The following TRAF2 variants were observed in gnomAD, a reference collection of about 807,000 sequenced individuals.
TRAF2 encodes TNF receptor-associated factor 2.
Under a neutral mutation model 55.6 loss-of-function variants are expected in TRAF2, and 6 were observed. The ratio of observed to expected loss-of-function variants is 0.11; its 90% CI spans 0.06 to 0.21. The LOEUF (loss-of-function observed/expected upper bound fraction) is 0.21. Among genes scored for constraint, TRAF2 ranks in the 10% least tolerant of loss-of-function variants. The pLI is 1.00. For synonymous variants in TRAF2, 329 were observed against 276.3 expected, an observed-to-expected ratio of 1.19 and a Z score of -1.89; for missense variants, 561 against 684.5, an observed-to-expected ratio of 0.82 and a Z score of 2.01.
chr9:136,908,603 A>G (rs1417670924), intron 5 of TRAF2, among the ~76,000 whole-genome samples: 1 of 152,148 alleles, frequency 6.6e-6, no homozygotes, highest in Non-Finnish European at 1.5e-5. Flanking sequence ...GCGGCGGTTC[A>G]TGCCTGTAAT....
Position 136,920,496 on chromosome 9 carries a change from T to C in TRAF2, c.941T>C (p.Ile314Thr), listed in dbSNP as rs1420358621. ...SRQHRLDQDK[I>T]EALSSKVQQL... The stretch of plus-strand genomic sequence containing the variant: ...CAGCACCGGCTGGACCAAGACAAGA[T>C]TGAAGCCCTGAGTAGCAAGGTTTGT... Residue 314 changes from isoleucine (I) to threonine (T), a missense_variant, in exon 8 of 11, where the codon ATT becomes ACT. Around this residue, in one of 2 missense-constraint regions of TRAF2, gnomAD observed 426 missense variants for 476.8 expected, o/e 0.89. Transcript: ENST00000247668. The C allele has an allele frequency of 1.2e-6, 2 of 1,612,094 alleles. No homozygotes were observed. The highest frequency in any genetic ancestry group is 1.7e-5 in the Admixed American group (1 of 59,902).
At chr9:136,882,823 T>C (rs2131263269), upstream of TRAF2, 1 of 826,770 alleles carries the variant, frequency 1.2e-6, no homozygotes, top group Non-Finnish European at 1.5e-6. Flanking sequence ...TGTGTGCCTC[T>C]GCCTCTCAGT....
chr9:136,916,080 C>T (rs953847886), intron 6 of TRAF2, among the ~76,000 whole-genome samples: 5 of 152,134 alleles, frequency 3.3e-5, no homozygotes, highest in Non-Finnish European at 7.3e-5. Context: ...TTCGATGTTC[C>T]TGTTGTATGT....
At chr9:136,921,931 T>A (rs986163311) in intron 9 of TRAF2, among the ~76,000 whole-genome samples, 1 of 152,208 alleles carries the variant, frequency 6.6e-6, no homozygotes, top group Non-Finnish European at 1.5e-5. Context: ...GTCACTCCCT[T>A]CTTGGGCTTT....
chr9:136,884,636 A>C (rs1005397093), upstream of TRAF2, among the ~76,000 whole-genome samples: 1 of 152,162 alleles, frequency 6.6e-6, no homozygotes, highest in East Asian at 1.9e-4. Context: ...AGCTCACTGC[A>C]ACCTCCACCT....
At chr9:136,898,055 A>G (rs1849726579) in intron 1 of TRAF2, among the ~76,000 whole-genome samples, 2 of 146,502 alleles carry the variant, frequency 1.4e-5, no homozygotes, top group South Asian at 2.2e-4. Context: ...AACCCGTGGT[A>G]GCTAAAGGGA....
At chr9:136,924,686 G>C (rs542076931) in intron 10 of TRAF2, among the ~76,000 whole-genome samples, 1 of 152,298 alleles carries the variant, frequency 6.6e-6, no homozygotes, top group East Asian at 1.9e-4. Context: ...CCTGGAGAGA[G>C]AGTGCAGAGG....
Position 136,921,025 on chromosome 9 carries a change from TG to T in TRAF2, c.961-11del, listed in dbSNP as rs1850372096. 5.6e-6 allele frequency: 9 copies of T among 1,613,208 alleles called. No individual in the cohort carries two copies. The highest frequency in any genetic ancestry group is 7.6e-6 in the Non-Finnish European group (9 of 1,179,730). On this transcript the variant is annotated splice_polypyrimidine_tract_variant and intron_variant, in intron 8 of 10. Coordinates refer to ENST00000247668, the MANE Select transcript of TRAF2 (RefSeq NM_021138.4). ...CCTCCTGTAAGAGGGAAGGTGGTCT[TG>T]GCACCCGGCAGGTGCAGCAGCTGGA...
chr9:136,900,309 C>CT lies in TRAF2; in HGVS notation c.268-112dup, dbSNP rs1210683421. ...AGTCATCCTCTGCTCCTGGAGTGGC[C>CT]TGGAAAGGCGATGTGACGCAGTATT... On this transcript the variant is annotated intron_variant, in intron 3 of 10. Coordinates refer to ENST00000247668, the MANE Select transcript of TRAF2 (RefSeq NM_021138.4). 7.6e-6 allele frequency: 5 copies of CT among 662,156 alleles called. No individual in the cohort carries two copies. The Admixed American group carries it at 9.2e-5, about 12-fold the overall frequency. The allele number at this position is 662,156 out of a possible 1,614,324, so 41.0% of individuals were successfully genotyped here.
chr9:136,893,713 C>T lies in TRAF2; in HGVS notation c.-28-5000C>T, dbSNP rs529614805. ...TAAGTTTTTCTGACTTAAAAAGCACCTCCTATTTGGGGTCTGTGTGGTAGT... is the reference window on the plus strand; with the variant it reads ...TAAGTTTTTCTGACTTAAAAAGCACTTCCTATTTGGGGTCTGTGTGGTAGT... On this transcript the variant is annotated intron_variant, in intron 1 of 10. Transcript: ENST00000247668. Among the ~76,000 whole-genome samples the T allele has an allele frequency of 3.9e-5, 6 of 152,226 alleles. No individual in the cohort carries two copies. The East Asian group carries it at 9.6e-4, about 24-fold the overall frequency.
At chr9:136,882,029 T>A, upstream of TRAF2, 1 of 985,482 alleles carries the variant, frequency 1.0e-6, no homozygotes. Flanking sequence ...CTGCGGCTAT[T>A]TGAGGTGGGC....
At chr9:136,897,775 A>G (rs1045546845) in intron 1 of TRAF2, among the ~76,000 whole-genome samples, 8 of 141,048 alleles carry the variant, frequency 5.7e-5, no homozygotes, top group Non-Finnish European at 7.6e-5. Context: ...AAGGGAGTGC[A>G]CTAGCCAGCT....
In TRAF2 at chr9:136,898,579, T is replaced by C. The variant is rs999042836; in HGVS notation, c.-28-134T>C. ...GCTCCCTGAAGCTCTGCGATTCTGC[T>C]TCTCTGAGTCTTGACCGCAGGTCAG... On this transcript the variant is annotated intron_variant, in intron 1 of 10. Coordinates refer to ENST00000247668, the MANE Select transcript of TRAF2 (RefSeq NM_021138.4). 24 of 1,455,256 alleles carry C rather than the reference T, an allele frequency of 1.6e-5. No homozygotes were observed. The African/African-American group carries it at 2.0e-4, about 12-fold the overall frequency. 90.1% of individuals were successfully genotyped at this position (1,455,256 alleles called of 1,614,324 possible). A position where few individuals can be genotyped will look rare whatever the true frequency, so the allele number is the denominator to read the frequency against.
intron 5 of TRAF2, among the ~76,000 whole-genome samples, chr9:136,909,374 GTCTC>G (rs1375332279): frequency 1.3e-5 from 2 of 152,212 alleles, no homozygotes; most frequent in Admixed American, 6.5e-5. Flanking sequence ...ATGTCTCTGG[GTCTC>G]TCTCTGCCTC....
chr9:136,920,613 C>T, intron 8 of TRAF2, 98 bp downstream of exon 8: 5 of 1,416,840 alleles, frequency 3.5e-6, no homozygotes, highest in Non-Finnish European at 4.7e-6. Context: ...AGCTTTAGAG[C>T]CCGGACAATG....
At chr9:136,910,378 GC>G (rs1393217475) in intron 6 of TRAF2, among the ~76,000 whole-genome samples, 1 of 152,174 alleles carries the variant, frequency 6.6e-6, no homozygotes. Flanking sequence ...GAGACTGGGC[GC>G]CCTAGTCTGG....
chr9:136,899,897 G>A (rs927991994), intron 3 of TRAF2, among the ~76,000 whole-genome samples: 6 of 152,212 alleles, frequency 3.9e-5, no homozygotes, highest in African/African-American at 1.4e-4. Context: ...CGGGCTCAGT[G>A]TCTCACACCT....
chr9:136,886,332 G>T (rs1036598849), upstream of TRAF2: 6 of 933,942 alleles, frequency 6.4e-6, no homozygotes, highest in Non-Finnish European at 7.7e-6. Flanking sequence ...GGCTCCTGCG[G>T]GCTCGCTGGT....
At chr9:136,922,204 C>A (rs552201644) in intron 9 of TRAF2, among the ~76,000 whole-genome samples, 2 of 152,210 alleles carry the variant, frequency 1.3e-5, no homozygotes, top group Non-Finnish European at 2.9e-5. Context: ...CCAAGGCCTT[C>A]AGCAGGGACC....
Sources: allele counts gnomAD v4.1 joint callset (sites outside exome capture counted in the v4.1 genomes callset), GRCh38; gene constraint gnomAD v4.1.1; regional missense constraint gnomAD v4.1.1; transcripts MANE v1.5; gene names NCBI Gene and HGNC (gene_info 2026-07-23, HGNC 2026-07-21).